The following OPCML variants were observed in gnomAD, a reference collection of about 807,000 sequenced individuals.
OPCML encodes the protein opioid-binding protein/cell adhesion molecule.
Under a neutral mutation model 37.8 loss-of-function variants are expected in OPCML, and 13 were observed. The ratio of observed to expected loss-of-function variants is 0.34; its 90% CI spans 0.22 to 0.55. The LOEUF is 0.55. Among genes scored for constraint, OPCML ranks in the 20% least tolerant of loss-of-function variants. OPCML has a pLI of 0.91. For synonymous variants in OPCML, 176 were observed against 168.8 expected (o/e 1.04, Z -0.33); for missense variants, 341 against 435.6 (o/e 0.78, Z 1.93).
intron 1 of OPCML, among the ~76,000 whole-genome samples, chr11:133,294,825 T>TTC (rs1942587117): frequency 7.9e-6 from 1 of 125,956 alleles, no homozygotes; most frequent in Non-Finnish European, 1.7e-5. Flanking sequence ...CTTTTTTTTT[T>TTC]TTTTTTTTTT....
At chr11:132,545,328 A>G (rs182875327) in intron 3 of OPCML, among the ~76,000 whole-genome samples, 7 of 152,330 alleles carry the variant, frequency 4.6e-5, no homozygotes, top group Non-Finnish European at 7.3e-5. Context: ...ATAGCCTGGT[A>G]TCAGAGTATC....
chr11:133,167,874 T>A (rs935438323), intron 1 of OPCML, among the ~76,000 whole-genome samples: 4 of 152,228 alleles, frequency 2.6e-5, no homozygotes, highest in Non-Finnish European at 5.9e-5. Flanking sequence ...TCTTGATGTA[T>A]CCTTTTCCTT....
chr11:133,124,018 A>G (rs1949460397), intron 1 of OPCML, among the ~76,000 whole-genome samples: 1 of 152,050 alleles, frequency 6.6e-6, no homozygotes, highest in Non-Finnish European at 1.5e-5. Flanking sequence ...GAATGCCAGC[A>G]ATGACTACCA....
rs533418725 is a variant in OPCML at position 133,218,352 on chromosome 11, G to A, written c.62-275342C>T. Among the ~76,000 whole-genome samples the A allele has an allele frequency of 5.9e-5, 9 of 152,206 alleles. No individual in the cohort carries two copies. In the South Asian group the frequency reaches 1.0e-3, roughly 18 times the overall value. ...TTTGTGCTGAAATACAAGGTTTGTC[G>A]ATAGAAAAGGAATGAGGGCAGTAAA... is the stretch of plus-strand genomic sequence containing the variant. On this transcript the variant is annotated intron_variant, in intron 1 of 7. Transcript: ENST00000524381.
intron 2 of OPCML, among the ~76,000 whole-genome samples, chr11:132,775,532 C>A (rs939000342): frequency 1.3e-5 from 2 of 152,188 alleles, no homozygotes; most frequent in African/African-American, 4.8e-5. Flanking sequence ...CATCTGACAC[C>A]TGAGCCTCCC....
intron 1 of OPCML, among the ~76,000 whole-genome samples, chr11:133,334,260 G>A (rs1943692211): frequency 6.6e-6 from 1 of 152,170 alleles, no homozygotes; most frequent in Non-Finnish European, 1.5e-5. Context: ...ATCAATGACA[G>A]ATACGGATAA....
intron 1 of OPCML, among the ~76,000 whole-genome samples, chr11:133,079,987 G>T (rs1291244963): frequency 3.3e-5 from 5 of 152,294 alleles, no homozygotes; most frequent in Middle Eastern, 3.4e-3. Flanking sequence ...CAGTTTTACA[G>T]AATTAATTCA....
chr11:133,193,930 A>G (rs1938425612), intron 1 of OPCML, among the ~76,000 whole-genome samples: 1 of 152,204 alleles, frequency 6.6e-6, no homozygotes, highest in African/African-American at 2.4e-5. Context: ...GAAAAAGAAA[A>G]CAACACTTAG....
intron 3 of OPCML, among the ~76,000 whole-genome samples, chr11:132,557,187 G>C (rs2096397591): frequency 6.6e-6 from 1 of 152,206 alleles, no homozygotes; most frequent in Non-Finnish European, 1.5e-5. Context: ...ATTAAATACA[G>C]TGCTCAGGGA....
intron 1 of OPCML, among the ~76,000 whole-genome samples, chr11:133,061,247 A>G (rs1948336227): frequency 6.6e-6 from 1 of 152,208 alleles, no homozygotes; most frequent in African/African-American, 2.4e-5. Flanking sequence ...TCTCTGTTTA[A>G]AACTGTCTAC....
intron 1 of OPCML, among the ~76,000 whole-genome samples, chr11:133,077,186 C>T (rs1948634148): frequency 1.3e-5 from 2 of 151,814 alleles, no homozygotes; most frequent in Admixed American, 1.3e-4. Flanking sequence ...CTCAACCCTG[C>T]CTGGATATCA....
At chr11:133,291,984 A>C (rs61912378) in intron 1 of OPCML, among the ~76,000 whole-genome samples, 2,073 of 152,328 alleles carry the variant, frequency 0.014, 25 homozygotes, top group South Asian at 0.043. Flanking sequence ...ATGGCCTTAC[A>C]GTTTTATAAA....
At chr11:133,515,348 G>T (rs1018725960) in intron 1 of OPCML, among the ~76,000 whole-genome samples, 20 of 152,218 alleles carry the variant, frequency 1.3e-4, no homozygotes, top group Non-Finnish European at 2.8e-4. Context: ...GCATTTGGCT[G>T]TGTCTAGAGA....
At chr11:132,687,442 G>A (rs1482309614) in intron 2 of OPCML, among the ~76,000 whole-genome samples, 2 of 111,810 alleles carry the variant, frequency 1.8e-5, no homozygotes, top group Non-Finnish European at 3.5e-5. Flanking sequence ...AATCTGTATA[G>A]CAAGAAGTGC....
chr11:132,629,203 T>C (rs975983509), intron 3 of OPCML, among the ~76,000 whole-genome samples: 1 of 152,132 alleles, frequency 6.6e-6, no homozygotes, highest in African/African-American at 2.4e-5. Context: ...TGTGCCCCTG[T>C]TTCCAAGAAT....
chr11:132,905,804 CG>C (rs1412370120), intron 2 of OPCML, among the ~76,000 whole-genome samples: 1 of 151,982 alleles, frequency 6.6e-6, no homozygotes, highest in Non-Finnish European at 1.5e-5. Context: ...AATGTTTCTA[CG>C]CCTCTGTATA....
At chr11:133,191,883 G>C (rs566434111) in intron 1 of OPCML, among the ~76,000 whole-genome samples, 1 of 152,258 alleles carries the variant, frequency 6.6e-6, no homozygotes, top group African/African-American at 2.4e-5. Flanking sequence ...TACAGTCATT[G>C]GTCATATTTT....
chr11:133,181,258 G>A (rs1249539346), intron 1 of OPCML, among the ~76,000 whole-genome samples: 1 of 150,712 alleles, frequency 6.6e-6, no homozygotes, highest in Non-Finnish European at 1.5e-5. Flanking sequence ...ACACACAGCG[G>A]TGCACAAGGA....
chr11:133,093,776 AT>A (rs34668485), intron 1 of OPCML, among the ~76,000 whole-genome samples: 140 of 149,694 alleles, frequency 9.4e-4, no homozygotes, highest in Admixed American at 2.0e-3. Flanking sequence ...ATCTGTACTT[AT>A]TTTTTTTTTT....
Sources: allele counts gnomAD v4.1 joint callset (sites outside exome capture counted in the v4.1 genomes callset), GRCh38; gene constraint gnomAD v4.1.1; transcripts MANE v1.5; gene names NCBI Gene and HGNC (gene_info 2026-07-23, HGNC 2026-07-21).